Variants in NCKAP5 observed in about 807,000 individuals in gnomAD.
The protein encoded by NCKAP5 is nck-associated protein 5.
In NCKAP5, 92 loss-of-function variants were observed where a neutral mutation model predicts 167.0. The ratio of observed to expected loss-of-function variants is 0.55; its 90% CI spans 0.47 to 0.66. NCKAP5 has a LOEUF of 0.66. Ranked by LOEUF, NCKAP5 falls within the 30% of genes least tolerant of loss-of-function variation. The probability of loss-of-function intolerance (pLI) is 0.00; values close to 1 mark genes in which losing one functional copy is unlikely to be tolerated. For missense variants in NCKAP5, 2,378 were observed against 2,315.0 expected (o/e 1.03, Z -0.56); for synonymous variants, 891 against 877.4 (o/e 1.02, Z -0.27).
chr2:133,657,864 CT>C, the NCKAP5 span, among the ~76,000 whole-genome samples: 1 of 152,120 alleles, frequency 6.6e-6, no homozygotes, highest in Non-Finnish European at 1.5e-5. Flanking sequence ...ATTCATCCCC[CT>C]GGGGGTTAGT....
chr2:132,806,650 A>G (rs1199264440), intron 11 of NCKAP5, among the ~76,000 whole-genome samples: 1 of 151,964 alleles, frequency 6.6e-6, no homozygotes, highest in Non-Finnish European at 1.5e-5. Flanking sequence ...ATTTGAGTTC[A>G]TTGTAGATTC....
At chr2:133,497,742 G>A (rs182584873) in intron 3 of NCKAP5, among the ~76,000 whole-genome samples, 1 of 152,236 alleles carries the variant, frequency 6.6e-6, no homozygotes, top group East Asian at 1.9e-4. Context: ...TTGTTCCTTG[G>A]GCAATTTCAG....
intron 6 of NCKAP5, among the ~76,000 whole-genome samples, chr2:133,014,776 A>C (rs901836375): frequency 6.6e-6 from 1 of 152,230 alleles, no homozygotes. Flanking sequence ...TTTTATAGAG[A>C]CTACTGCTTG....
At chr2:133,642,488 A>G in the NCKAP5 span, among the ~76,000 whole-genome samples, 3 of 152,232 alleles carry the variant, frequency 2.0e-5, no homozygotes, top group African/African-American at 7.2e-5. Flanking sequence ...AACAATTCAC[A>G]GAAGAGTATG....
At chr2:133,413,018 A>C (rs1355269808) in intron 3 of NCKAP5, among the ~76,000 whole-genome samples, 1 of 152,254 alleles carries the variant, frequency 6.6e-6, no homozygotes, top group Non-Finnish European at 1.5e-5. Context: ...CTGTGAGCCC[A>C]GAAGGCATAT....
chr2:132,852,048 C>T (rs1367136028), intron 11 of NCKAP5, among the ~76,000 whole-genome samples: 2 of 152,162 alleles, frequency 1.3e-5, no homozygotes, highest in Non-Finnish European at 2.9e-5. Flanking sequence ...AATCAAATCC[C>T]CAGGTAAGCA....
At chr2:133,033,097 T>C (rs1035009299) in intron 6 of NCKAP5, among the ~76,000 whole-genome samples, 1 of 152,190 alleles carries the variant, frequency 6.6e-6, no homozygotes, top group Admixed American at 6.5e-5. Context: ...ACAGTCTTAG[T>C]GGTGGTGGCC....
intron 6 of NCKAP5, among the ~76,000 whole-genome samples, chr2:133,100,782 C>G (rs528201138): frequency 6.6e-6 from 1 of 152,006 alleles, no homozygotes; most frequent in African/African-American, 2.4e-5. Context: ...ACTTTTGTCT[C>G]AAAATATTTC....
At chr2:132,690,570 G>A (rs898038414) in intron 19 of NCKAP5, among the ~76,000 whole-genome samples, 1 of 152,140 alleles carries the variant, frequency 6.6e-6, no homozygotes, top group African/African-American at 2.4e-5. Context: ...GATAAAGTTG[G>A]TTTCTTTATA....
chr2:133,224,460 G>C (rs746767510), intron 4 of NCKAP5, among the ~76,000 whole-genome samples: 13 of 152,060 alleles, frequency 8.5e-5, no homozygotes, highest in Admixed American at 2.0e-4. Flanking sequence ...AACCACACAA[G>C]CTACCTGTAC....
the NCKAP5 span, among the ~76,000 whole-genome samples, chr2:133,664,052 G>A: frequency 5.9e-5 from 9 of 152,206 alleles, no homozygotes; most frequent in Non-Finnish European, 1.2e-4. Context: ...CTGAATGGAT[G>A]TTGTGTTAAC....
intron 3 of NCKAP5, among the ~76,000 whole-genome samples, chr2:133,466,075 GT>G (rs1198876307): frequency 2.0e-5 from 3 of 149,272 alleles, no homozygotes; most frequent in Non-Finnish European, 4.5e-5. Context: ...TAGACATGAA[GT>G]CCTTGCCCAT....
At chr2:133,476,141 C>T (rs945642245) in intron 3 of NCKAP5, among the ~76,000 whole-genome samples, 21 of 152,168 alleles carry the variant, frequency 1.4e-4, no homozygotes, top group East Asian at 7.7e-4. Flanking sequence ...TAAAAGTTTT[C>T]GAATTAATTT....
At chr2:132,923,723 T>C (rs1695622588) in intron 8 of NCKAP5, among the ~76,000 whole-genome samples, 1 of 152,220 alleles carries the variant, frequency 6.6e-6, no homozygotes. Context: ...CTCAGATCTT[T>C]AAAGGTACTG....
chr2:132,734,600 C>T (rs1430629), intron 16 of NCKAP5, among the ~76,000 whole-genome samples: 79,700 of 152,066 alleles, frequency 0.52, 22,979 homozygotes, highest in East Asian at 0.76. Flanking sequence ...TTTGAGAAGA[C>T]GCGTCATCAA....
chr2:132,946,662 C>T (rs1196409583), intron 8 of NCKAP5, among the ~76,000 whole-genome samples: 1 of 151,958 alleles, frequency 6.6e-6, no homozygotes, highest in Admixed American at 6.6e-5. Flanking sequence ...TTTGGGAAGC[C>T]GAGGGGGGTG....
intron 10 of NCKAP5, among the ~76,000 whole-genome samples, chr2:132,862,131 G>A (rs926097652): frequency 2.0e-5 from 3 of 152,234 alleles, no homozygotes; most frequent in African/African-American, 7.2e-5. Flanking sequence ...CCAAGCCACA[G>A]TTCTGATGCC....
intron 6 of NCKAP5, among the ~76,000 whole-genome samples, chr2:133,111,701 G>A (rs1373842812): frequency 6.6e-6 from 1 of 152,166 alleles, no homozygotes; most frequent in African/African-American, 2.4e-5. Context: ...GTACCTTTTG[G>A]TGTAGGCAAC....
intron 11 of NCKAP5, among the ~76,000 whole-genome samples, chr2:132,807,417 G>T (rs376386149): frequency 2.8e-4 from 42 of 152,138 alleles, no homozygotes; most frequent in African/African-American, 6.5e-4. Flanking sequence ...ATTTGTTTGT[G>T]TCATCTATGA....
Sources: allele counts gnomAD v4.1 joint callset (sites outside exome capture counted in the v4.1 genomes callset), GRCh38; gene constraint gnomAD v4.1.1; transcripts MANE v1.5; gene names NCBI Gene and HGNC (gene_info 2026-07-23, HGNC 2026-07-21).